The following RBM41 variants were observed in gnomAD, a reference collection of about 807,000 sequenced individuals.
RBM41 encodes RNA binding motif protein 41, also known as RNA-binding protein 41.
Under a neutral mutation model 30.8 loss-of-function variants are expected in RBM41, and 14 were observed. The observed-to-expected ratio is 0.45, with a 90% CI of 0.30 to 0.71. The LOEUF is 0.71. Ranked by LOEUF, RBM41 falls within the 30% of genes least tolerant of loss-of-function variation. The pLI, the probability that RBM41 is intolerant of heterozygous loss-of-function variation, is 0.08. For synonymous variants in RBM41, 120 were observed against 110.1 expected, an observed-to-expected ratio of 1.09 and a Z score of -0.56; for missense variants, 276 against 326.3, an observed-to-expected ratio of 0.85 and a Z score of 1.19.
intron 5 of RBM41, among the ~76,000 whole-genome samples, chrX:107,090,333 C>T (rs1464671601): frequency 9.0e-6 from 1 of 111,584 alleles, no homozygotes; most frequent in African/African-American, 3.3e-5. Context: ...GAGATCGCGC[C>T]ACTGCACTGC....
intron 6 of RBM41, chrX:107,069,852 A>G (rs1187592876): frequency 9.0e-6 from 1 of 111,638 alleles, no homozygotes; most frequent in Non-Finnish European, 1.7e-5. Flanking sequence ...AAACTCTCTA[A>G]AACTATAGGC....
chrX:107,104,095 G>A (rs1056334463), intron 5 of RBM41, among the ~76,000 whole-genome samples: 13 of 106,227 alleles, frequency 1.2e-4, no homozygotes, highest in African/African-American at 3.1e-4. Context: ...CTACCCCCCC[G>A]CCAGAGACCT....
chrX:107,087,356 A>G (rs970661598), intron 6 of RBM41, among the ~76,000 whole-genome samples: 1 of 110,953 alleles, frequency 9.0e-6, no homozygotes, highest in Non-Finnish European at 1.9e-5. Flanking sequence ...CAGTCAAACA[A>G]ACTGTTTTAA....
Position 107,065,270 on chromosome X carries a change from T to C in RBM41, c.*2257A>G. The C allele has an allele frequency of 8.9e-6, 1 of 112,462 alleles. No individual in the cohort carries two copies. Among genetic ancestry groups the C allele is most frequent in the East Asian group, 2.8e-4 (1 of 3,598 alleles). The allele number at this position is 112,462 out of a possible 1,213,427, so 9.3% of individuals were successfully genotyped here. On this transcript the variant is annotated 3_prime_UTR_variant, in exon 8 of 8. Transcript: ENST00000685964. ...TGTTATTTTGATATAGGAAGACTTA[T>C]GACTGCCATTTTATTGTTTTTGATA...
intron 6 of RBM41, among the ~76,000 whole-genome samples, chrX:107,084,472 A>G (rs1200647947): frequency 9.0e-6 from 1 of 111,620 alleles, no homozygotes; most frequent in East Asian, 2.8e-4. Context: ...AGAAAGTTCT[A>G]GATACACTTA....
intron 6 of RBM41, among the ~76,000 whole-genome samples, chrX:107,082,075 G>C (rs1042990261): frequency 9.0e-6 from 1 of 111,633 alleles, no homozygotes; most frequent in Admixed American, 9.5e-5. Flanking sequence ...TGGGGAAAGG[G>C]GACATTTTTG....
intron 5 of RBM41, among the ~76,000 whole-genome samples, chrX:107,094,633 T>A (rs1922815029): frequency 1.8e-5 from 2 of 112,072 alleles, no homozygotes. Flanking sequence ...GAGGGGAATT[T>A]GCAAATGTGA....
At chrX:107,081,950 T>C (rs1019602559) in intron 6 of RBM41, among the ~76,000 whole-genome samples, 1 of 112,226 alleles carries the variant, frequency 8.9e-6, no homozygotes, top group African/African-American at 3.2e-5. Flanking sequence ...CAGACATACG[T>C]GTTACTTGTG....
At chrX:107,068,774 G>A (rs1935935623) in intron 7 of RBM41, among the ~76,000 whole-genome samples, 1 of 111,997 alleles carries the variant, frequency 8.9e-6, no homozygotes, top group Non-Finnish European at 1.9e-5. Flanking sequence ...TATTCTTCCA[G>A]TTGGATTAGA....
chrX:107,059,191 A>G (rs1485668767), downstream of RBM41, among the ~76,000 whole-genome samples: 1 of 111,315 alleles, frequency 9.0e-6, no homozygotes, highest in African/African-American at 3.3e-5. Flanking sequence ...TATCTCTCAA[A>G]GGCCCCAATT....
rs373985864 is a variant in RBM41 at position 107,065,799 on chromosome X, C to T, written c.*1728G>A. 1.8e-6 allele frequency: 2 copies of T among 1,120,212 alleles called. No homozygotes were observed. Among genetic ancestry groups the T allele is most frequent in the East Asian group, 3.4e-5 (1 of 29,471 alleles). The allele number at this position is 1,120,212 out of a possible 1,213,427, so 92.3% of individuals were successfully genotyped here. A position where few individuals can be genotyped will look rare whatever the true frequency, so the allele number is the denominator to read the frequency against. ...ATATTATATTTTATACGTTATAGGC[C>T]AAACGATGCAACTATATACATATTG... On this transcript the variant is annotated 3_prime_UTR_variant, in exon 8 of 8. Coordinates refer to ENST00000685964, the MANE Select transcript of RBM41 (RefSeq NM_001324242.2).
At position 107,064,987 on chromosome X, in the gene RBM41, G is replaced by T. The variant is rs1295565604; in HGVS notation, c.*2540C>A. The T allele has an allele frequency of 9.0e-6, 1 of 111,625 alleles. No homozygotes were observed. The highest frequency in any genetic ancestry group is 1.9e-5 in the Non-Finnish European group (1 of 53,085). 9.2% of individuals were successfully genotyped at this position (111,625 alleles called of 1,213,427 possible). A position where few individuals can be genotyped will look rare whatever the true frequency, so the allele number is the denominator to read the frequency against. ...ATATTTATAGTTGTTACATCTTCCT[G>T]ATGTATTGACCCTTTTATCATTGTA... On this transcript the variant is annotated 3_prime_UTR_variant, in exon 8 of 8. Transcript: ENST00000685964.
chrX:107,070,215 A>T (rs2147876074), intron 6 of RBM41: 1 of 329,435 alleles, frequency 3.0e-6, no homozygotes, highest in African/African-American at 2.6e-5. Context: ...TAACTTGCCA[A>T]TCCTGGTAGA....
At chrX:107,095,549 C>T (rs967519835) in intron 5 of RBM41, among the ~76,000 whole-genome samples, 5 of 107,799 alleles carry the variant, frequency 4.6e-5, no homozygotes, top group African/African-American at 1.7e-4. Flanking sequence ...TGAGCCGAGA[C>T]AGTGCCACTG....
At chrX:107,060,286 G>C (rs1569318989), downstream of RBM41, among the ~76,000 whole-genome samples, 1 of 110,185 alleles carries the variant, frequency 9.1e-6, no homozygotes, top group Non-Finnish European at 1.9e-5. Flanking sequence ...GCTGCTGTCT[G>C]AATGTGCCTT....
chrX:107,059,367 C>G (rs750992765), downstream of RBM41, among the ~76,000 whole-genome samples: 178 of 110,711 alleles, frequency 1.6e-3, 1 homozygote, highest in African/African-American at 5.7e-3. Flanking sequence ...GGAGGGAGAG[C>G]ATCAGGATAA....
chrX:107,108,352 C>T (rs1405781473), intron 5 of RBM41, among the ~76,000 whole-genome samples: 1 of 111,549 alleles, frequency 9.0e-6, no homozygotes, highest in Non-Finnish European at 1.9e-5. Flanking sequence ...ATGAAGTTAG[C>T]ACACTTCACT....
chrX:107,117,721 T>C (rs1327098639), intron 1 of RBM41, among the ~76,000 whole-genome samples: 2 of 111,812 alleles, frequency 1.8e-5, no homozygotes, highest in Non-Finnish European at 3.8e-5. Flanking sequence ...TAAATTCATA[T>C]GTACTAGAAA....
At chrX:107,059,517 T>C (rs747409378), downstream of RBM41, among the ~76,000 whole-genome samples, 1 of 111,677 alleles carries the variant, frequency 9.0e-6, no homozygotes, top group South Asian at 3.8e-4. Flanking sequence ...TTAAATTAAA[T>C]TAAACAAACA....
Sources: gnomAD v4.1 joint callset for allele counts (sites outside exome capture counted in the v4.1 genomes callset) on GRCh38, gnomAD v4.1.1 for gene constraint, MANE v1.5 for transcripts, NCBI Gene and HGNC (gene_info 2026-07-23, HGNC 2026-07-21) for gene names.